ILRUN: variants seen among roughly 807,000 people sequenced by gnomAD.
ILRUN encodes the protein inflammation and lipid regulator with UBA-like and NBR1-like domains, also known as protein ILRUN.
In ILRUN, 3 loss-of-function variants were observed where a neutral mutation model predicts 33.8. That is an observed-to-expected ratio of 0.09 (90% CI 0.04 to 0.23). The LOEUF is 0.23. Ranked by LOEUF, ILRUN falls within the 10% of genes least tolerant of loss-of-function variation. The pLI is 1.00. For missense variants in ILRUN, 210 were observed against 375.1 expected (o/e 0.56, Z 3.64); for synonymous variants, 124 against 138.9 (o/e 0.89, Z 0.75).
chr6:34,626,156 C>A (rs536272789), intron 3 of ILRUN, among the ~76,000 whole-genome samples: 2 of 151,934 alleles, frequency 1.3e-5, no homozygotes, highest in Non-Finnish European at 2.9e-5. Context: ...GGCCAGGAGG[C>A]ATTTTTTAAC....
intron 3 of ILRUN, among the ~76,000 whole-genome samples, chr6:34,642,825 CAAAAAA>C (rs57866309): frequency 4.7e-5 from 2 of 42,994 alleles, no homozygotes; most frequent in Admixed American, 3.3e-4. Context: ...CCGTCTCTAC[CAAAAAA>C]AAAAAAAAAA....
At chr6:34,615,021 G>C (rs117835498) in intron 3 of ILRUN, among the ~76,000 whole-genome samples, 1 of 152,130 alleles carries the variant, frequency 6.6e-6, no homozygotes, top group Non-Finnish European at 1.5e-5. Context: ...ACAACTAAGT[G>C]TAATGTGGTA....
intron 1 of ILRUN, among the ~76,000 whole-genome samples, chr6:34,659,891 G>A (rs998460006): frequency 7.9e-5 from 12 of 152,078 alleles, no homozygotes; most frequent in African/African-American, 2.9e-4. Flanking sequence ...AAAGTGCTGG[G>A]ATTACAGGTG....
chr6:34,590,894 C>A (rs1761281272), intron 4 of ILRUN, among the ~76,000 whole-genome samples: 1 of 152,182 alleles, frequency 6.6e-6, no homozygotes, highest in African/African-American at 2.4e-5. Flanking sequence ...TTCCTCCACC[C>A]AGGTCACAAA....
chr6:34,674,866 C>A (rs1412659531), intron 1 of ILRUN, among the ~76,000 whole-genome samples: 1 of 152,064 alleles, frequency 6.6e-6, no homozygotes, highest in Non-Finnish European at 1.5e-5. Flanking sequence ...TCACAACCAG[C>A]ATGAGCAAGT....
At chr6:34,627,150 G>A (rs1762153506) in intron 3 of ILRUN, among the ~76,000 whole-genome samples, 1 of 152,106 alleles carries the variant, frequency 6.6e-6, no homozygotes, top group Non-Finnish European at 1.5e-5. Context: ...TCATAGAGTT[G>A]GAATCCAACA....
intron 1 of ILRUN, among the ~76,000 whole-genome samples, chr6:34,660,598 A>G (rs1313341018): frequency 6.6e-6 from 1 of 152,186 alleles, no homozygotes; most frequent in African/African-American, 2.4e-5. Context: ...TACGCCAATA[A>G]TATTGCTACT....
At chr6:34,618,342 C>A (rs532730913) in intron 3 of ILRUN, among the ~76,000 whole-genome samples, 1 of 152,312 alleles carries the variant, frequency 6.6e-6, no homozygotes, top group African/African-American at 2.4e-5. Context: ...ACCAATAATG[C>A]TTCCAGACCT....
At chr6:34,663,720 C>A (rs1205885199) in intron 1 of ILRUN, among the ~76,000 whole-genome samples, 2 of 152,130 alleles carry the variant, frequency 1.3e-5, no homozygotes, top group African/African-American at 4.8e-5. Context: ...TTGTACAATT[C>A]AATGATTTTT....
intron 3 of ILRUN, among the ~76,000 whole-genome samples, chr6:34,644,208 T>C (rs536052397): frequency 7.2e-5 from 11 of 152,220 alleles, no homozygotes; most frequent in African/African-American, 2.6e-4. Context: ...CATTGAGAAG[T>C]AGTATTTTTT....
rs148111205 is a variant in ILRUN at position 34,681,615 on chromosome 6, T to C, written c.158+14831A>G. On this transcript the variant is annotated intron_variant, in intron 1 of 4. Transcript: ENST00000374023. ...CCGTCTCATTTTAAAAATAAAAAAA[T>C]AAAAATAAAGAGTTAAACCTTTTCA... Among the ~76,000 whole-genome samples, 153 of 152,204 alleles carry C rather than the reference T, an allele frequency of 1.0e-3. 1 individual carries two copies. The highest frequency in any genetic ancestry group is 3.6e-3 in the African/African-American group (150 of 41,530).
intron 3 of ILRUN, among the ~76,000 whole-genome samples, chr6:34,621,677 T>C (rs2127340602): frequency 6.6e-6 from 1 of 152,082 alleles, no homozygotes; most frequent in Non-Finnish European, 1.5e-5. Context: ...TGGCTAAACA[T>C]GGTGAAACCC....
intron 4 of ILRUN, among the ~76,000 whole-genome samples, chr6:34,595,043 T>C (rs559264198): frequency 6.6e-6 from 1 of 152,306 alleles, no homozygotes; most frequent in Non-Finnish European, 1.5e-5. Flanking sequence ...TTAGAGAACA[T>C]TTACAGACAT....
At chr6:34,683,417 T>TAC (rs1387850355) in intron 1 of ILRUN, among the ~76,000 whole-genome samples, 3 of 74,684 alleles carry the variant, frequency 4.0e-5, no homozygotes, top group African/African-American at 1.0e-4. Flanking sequence ...CATATATATA[T>TAC]ACATATATAT....
chr6:34,653,109 G>A (rs1762700442), intron 2 of ILRUN, among the ~76,000 whole-genome samples: 1 of 144,114 alleles, frequency 6.9e-6, no homozygotes, highest in Non-Finnish European at 1.5e-5. Flanking sequence ...TCCCAGCCTG[G>A]GTGACAGAGT....
intron 3 of ILRUN, among the ~76,000 whole-genome samples, chr6:34,634,299 TA>T (rs201494948): frequency 7.3e-5 from 11 of 150,890 alleles, no homozygotes; most frequent in South Asian, 4.2e-4. Context: ...TCTAAAAATT[TA>T]AAAAAAAATA....
At chr6:34,596,831 G>A (rs1761409396) in intron 4 of ILRUN, among the ~76,000 whole-genome samples, 1 of 152,150 alleles carries the variant, frequency 6.6e-6, no homozygotes, top group African/African-American at 2.4e-5. Context: ...TTAAAGCTCT[G>A]TAAAAACAAC....
rs1008819640 is a variant in ILRUN at position 34,692,800 on chromosome 6, C to T, written c.158+3646G>A. On this transcript the variant is annotated intron_variant, in intron 1 of 4. Coordinates refer to ENST00000374023, the MANE Select transcript of ILRUN (RefSeq NM_024294.4). ...AATTGATCCTTTTGTAATTCAGATG[C>T]GTGATGATTGGGTGTTTACATGCAT... Among the ~76,000 whole-genome samples, 4 of 151,946 alleles carry T rather than the reference C, an allele frequency of 2.6e-5. No individual in the cohort carries two copies. The South Asian group carries it at 6.2e-4, about 24-fold the overall frequency.
At chr6:34,675,307 C>G (rs1215359753) in intron 1 of ILRUN, among the ~76,000 whole-genome samples, 1 of 151,778 alleles carries the variant, frequency 6.6e-6, no homozygotes, top group Non-Finnish European at 1.5e-5. Context: ...AAAACAACAA[C>G]AAAAAAGGTG....
Sources: allele counts gnomAD v4.1 joint callset (sites outside exome capture counted in the v4.1 genomes callset), GRCh38; gene constraint gnomAD v4.1.1; transcripts MANE v1.5; gene names NCBI Gene and HGNC (gene_info 2026-07-23, HGNC 2026-07-21).